The following GUCY1A2 variants were observed in gnomAD, a reference collection of about 807,000 sequenced individuals.
GUCY1A2 encodes guanylate cyclase soluble subunit alpha-2.
GUCY1A2 carries 27 observed loss-of-function variants against 63.5 expected under a neutral mutation model. The ratio of observed to expected loss-of-function variants is 0.43; its 90% CI spans 0.31 to 0.59. The LOEUF is 0.59. Ranked by LOEUF, GUCY1A2 falls within the 20% of genes least tolerant of loss-of-function variation. The pLI is 0.11. For missense variants in GUCY1A2, 768 were observed against 913.3 expected, an observed-to-expected ratio of 0.84 and a Z score of 2.05; for synonymous variants, 364 against 343.5, an observed-to-expected ratio of 1.06 and a Z score of -0.66.
At chr11:106,869,011 G>A (rs974726923) in intron 4 of GUCY1A2, among the ~76,000 whole-genome samples, 2 of 152,152 alleles carry the variant, frequency 1.3e-5, no homozygotes, top group Non-Finnish European at 2.9e-5. Context: ...TGGGGAAAAG[G>A]ATTCTCTATT....
rs1295724397 is a variant in GUCY1A2, at chr11:106,678,783, TTTATG to T, written c.*8761_*8765del. On this transcript the variant is annotated 3_prime_UTR_variant, in exon 8 of 8. Transcript: ENST00000526355. ...TATTATTTGACTATTATCCTTAATG[TTTATG>T]TTATTTTAAAAAGTGTAATATTTTA... 5.1e-6 allele frequency: 1 copy of T among 196,482 alleles called. No individual in the cohort carries two copies. The highest frequency in any genetic ancestry group is 1.1e-5 in the Non-Finnish European group (1 of 94,702). The allele number at this position is 196,482 out of a possible 1,614,324, so 12.2% of individuals were successfully genotyped here.
intron 6 of GUCY1A2, among the ~76,000 whole-genome samples, chr11:106,754,581 G>T (rs999263806): frequency 6.6e-6 from 1 of 152,134 alleles, no homozygotes; most frequent in Non-Finnish European, 1.5e-5. Context: ...GTTGAATTTC[G>T]TCGACGGTCT....
intron 6 of GUCY1A2, among the ~76,000 whole-genome samples, chr11:106,714,998 AT>A (rs754801064): frequency 2.0e-5 from 3 of 152,336 alleles, no homozygotes; most frequent in South Asian, 2.1e-4. Flanking sequence ...TGGAAAAAAA[AT>A]ATTTGTCCTA....
intron 4 of GUCY1A2, among the ~76,000 whole-genome samples, chr11:106,880,664 T>C (rs1859811293): frequency 6.6e-6 from 1 of 152,092 alleles, no homozygotes; most frequent in African/African-American, 2.4e-5. Context: ...AGAGGTTCAG[T>C]TGTCAAAAAA....
At chr11:106,842,898 G>A (rs143921061) in intron 4 of GUCY1A2, among the ~76,000 whole-genome samples, 448 of 152,024 alleles carry the variant, frequency 2.9e-3, no homozygotes, top group African/African-American at 0.011. Context: ...GCCCTTGGGT[G>A]TCTGTGGCAG....
intron 4 of GUCY1A2, among the ~76,000 whole-genome samples, chr11:106,890,671 T>C (rs1263824423): frequency 6.6e-6 from 1 of 152,200 alleles, no homozygotes; most frequent in African/African-American, 2.4e-5. Flanking sequence ...AAATTTCATC[T>C]AGTTGATTAC....
intron 3 of GUCY1A2, among the ~76,000 whole-genome samples, chr11:106,957,905 T>G (rs767287851): frequency 5.0e-5 from 6 of 120,568 alleles, no homozygotes; most frequent in South Asian, 2.7e-4. Flanking sequence ...AAAAAAGGTG[T>G]TGTGGTAAAG....
intron 4 of GUCY1A2, among the ~76,000 whole-genome samples, chr11:106,896,440 T>C (rs1860050750): frequency 6.6e-6 from 1 of 152,158 alleles, no homozygotes; most frequent in African/African-American, 2.4e-5. Flanking sequence ...CTTTTAAATA[T>C]TGTACTGAAG....
intron 1 of GUCY1A2, among the ~76,000 whole-genome samples, chr11:107,001,179 CAG>C (rs1469741015): frequency 6.6e-6 from 1 of 152,106 alleles, no homozygotes; most frequent in Non-Finnish European, 1.5e-5. Flanking sequence ...ATGTTTGAAA[CAG>C]AATCACAAGA....
intron 6 of GUCY1A2, among the ~76,000 whole-genome samples, chr11:106,713,753 TC>T (rs1335060334): frequency 6.6e-6 from 1 of 151,848 alleles, no homozygotes; most frequent in Non-Finnish European, 1.5e-5. Flanking sequence ...TGATCTGCCC[TC>T]CTCGACCTCC....
intron 6 of GUCY1A2, among the ~76,000 whole-genome samples, chr11:106,766,570 CAAATAA>C (rs58767806): frequency 1.3e-5 from 2 of 151,224 alleles, no homozygotes; most frequent in Admixed American, 6.6e-5. Flanking sequence ...TTTTAGAAAA[CAAATAA>C]AGAGATTAAA....
Position 106,675,171 on chromosome 11 carries a change from A to G in GUCY1A2, c.*12378T>C, listed in dbSNP as rs1034172364. ...TGCACTTAATCAGTATTTTAAAAGC[A>G]TAATGAGACAGTTTTGTCACTTAAT... On this transcript the variant is annotated 3_prime_UTR_variant, in exon 8 of 8. Coordinates refer to ENST00000526355, the MANE Select transcript of GUCY1A2 (RefSeq NM_000855.3). 4.3e-5 allele frequency: 9 copies of G among 210,324 alleles called. No homozygotes were observed. Among genetic ancestry groups the G allele is most frequent in the African/African-American group, 2.0e-4 (9 of 44,064 alleles). The allele number at this position is 210,324 out of a possible 1,614,324, so 13.0% of individuals were successfully genotyped here.
intron 6 of GUCY1A2, among the ~76,000 whole-genome samples, chr11:106,766,780 T>C (rs1025220306): frequency 2.6e-5 from 4 of 152,056 alleles, no homozygotes; most frequent in African/African-American, 9.7e-5. Flanking sequence ...TGTTGGCCTA[T>C]ATGCATATAG....
chr11:106,686,359 A>G lies in GUCY1A2; in HGVS notation c.*1190T>C, dbSNP rs1862526271. 4 of 220,802 alleles carry G rather than the reference A, an allele frequency of 1.8e-5. No homozygotes were observed. The East Asian group carries it at 2.7e-4, about 15-fold the overall frequency. The allele number at this position is 220,802 out of a possible 1,614,324, so 13.7% of individuals were successfully genotyped here. Reference sequence around the variant, plus strand: ...ATGAAAGTGATTCACTGAATTTAAAAGCCATATCAATCAAACTGCAGAACA... The same window carrying G: ...ATGAAAGTGATTCACTGAATTTAAAGGCCATATCAATCAAACTGCAGAACA... On this transcript the variant is annotated 3_prime_UTR_variant, in exon 8 of 8. Transcript: ENST00000526355.
At chr11:106,816,856 C>A (rs1036539324) in intron 4 of GUCY1A2, among the ~76,000 whole-genome samples, 15 of 151,402 alleles carry the variant, frequency 9.9e-5, no homozygotes, top group Admixed American at 6.6e-4. Flanking sequence ...TTTAAATGAA[C>A]CAATCCCTTG....
chr11:107,008,789 C>T (rs1467087261), intron 1 of GUCY1A2, among the ~76,000 whole-genome samples: 2 of 152,184 alleles, frequency 1.3e-5, no homozygotes, highest in Admixed American at 6.5e-5. Flanking sequence ...TATATATACA[C>T]GTGTGCGTGT....
At chr11:106,944,945 G>A (rs1202649985) in intron 3 of GUCY1A2, among the ~76,000 whole-genome samples, 1 of 151,770 alleles carries the variant, frequency 6.6e-6, no homozygotes, top group Non-Finnish European at 1.5e-5. Flanking sequence ...CATATTTAGA[G>A]GAACAACCTC....
chr11:106,717,822 A>T (rs1863241667), intron 6 of GUCY1A2, among the ~76,000 whole-genome samples: 1 of 152,214 alleles, frequency 6.6e-6, no homozygotes, highest in East Asian at 1.9e-4. Context: ...TAATAAAATT[A>T]GGTAAGTAAA....
At chr11:106,704,186 T>A (rs1862866345) in intron 7 of GUCY1A2, among the ~76,000 whole-genome samples, 1 of 152,192 alleles carries the variant, frequency 6.6e-6, no homozygotes, top group Non-Finnish European at 1.5e-5. Flanking sequence ...TCATCATGGC[T>A]AAATTTATAA....
Sources: gnomAD v4.1 joint callset for allele counts (sites outside exome capture counted in the v4.1 genomes callset) on GRCh38, gnomAD v4.1.1 for gene constraint, MANE v1.5 for transcripts, NCBI Gene and HGNC (gene_info 2026-07-23, HGNC 2026-07-21) for gene names.